Variants in RPH3AL observed in about 807,000 individuals in gnomAD.
RPH3AL encodes the protein rabphilin 3A like (without C2 domains).
A neutral mutation model predicts 43.1 loss-of-function variants in RPH3AL; 38 were observed. That is an observed-to-expected ratio of 0.88 (90% CI 0.68 to 1.15). RPH3AL has a LOEUF of 1.15. RPH3AL is among the 50% of genes most tolerant of loss of function. RPH3AL has a pLI of 0.00. For synonymous variants in RPH3AL, 189 were observed against 176.3 expected, an observed-to-expected ratio of 1.07 and a Z score of -0.57; for missense variants, 462 against 423.2, an observed-to-expected ratio of 1.09 and a Z score of -0.81.
At chr17:219,966 C>G (rs1407506183) in intron 7 of RPH3AL, among the ~76,000 whole-genome samples, 1 of 152,192 alleles carries the variant, frequency 6.6e-6, no homozygotes, top group Non-Finnish European at 1.5e-5. Flanking sequence ...TGGGCTCAGG[C>G]TGACCAGCAG....
At chr17:297,443 CG>C (rs1567624071) in intron 5 of RPH3AL, among the ~76,000 whole-genome samples, 2 of 152,132 alleles carry the variant, frequency 1.3e-5, no homozygotes, top group Non-Finnish European at 2.9e-5. Flanking sequence ...GCATCTGAGG[CG>C]GGGGACAGTC....
rs149116246 is a variant in RPH3AL at position 318,343 on chromosome 17, T to C, written c.351+1077A>G. Among the ~76,000 whole-genome samples, 601 of 152,094 alleles carry C rather than the reference T, an allele frequency of 4.0e-3. 8 individuals carry two copies. Among genetic ancestry groups the C allele is most frequent in the African/African-American group, 0.014 (583 of 41,492 alleles). ...TTGCAGTGAGCCAAGACTGCACCAT[T>C]TGCACTCCAGCCTGGGTGACAGAGC... On this transcript the variant is annotated intron_variant, in intron 5 of 9. Coordinates refer to ENST00000331302, the MANE Select transcript of RPH3AL (RefSeq NM_006987.4).
In RPH3AL at chr17:247,272, G is replaced by C. The variant is rs144718442; in HGVS notation, c.452C>G (p.Ser151Trp). 3.1e-6 allele frequency: 5 copies of C among 1,589,004 alleles called. No individual in the cohort carries two copies. Among genetic ancestry groups the C allele is most frequent in the Non-Finnish European group, 3.4e-6 (4 of 1,166,544 alleles). ...CSEQREVWKR[S>W]GAWFYKGLPK... Reference sequence around the variant, plus strand: ...GAGCCCTTTGTAGAACCAGGCCCCCGACCTCTTCCAGACCTGAGTGGGGGA... The same window carrying C: ...GAGCCCTTTGTAGAACCAGGCCCCCCACCTCTTCCAGACCTGAGTGGGGGA... The change falls in exon 7 of 10, where the codon TCG (serine) becomes TGG (tryptophan). Residue 151 changes from serine to tryptophan, a missense_variant. Ser to Trp is a radical substitution (Grantham distance 177). Transcript: ENST00000331302.
intron 5 of RPH3AL, among the ~76,000 whole-genome samples, chr17:292,116 C>T (rs920019542): frequency 6.6e-6 from 1 of 152,180 alleles, no homozygotes. Flanking sequence ...GCCACAGTGG[C>T]TGACTGTGGC....
intron 8 of RPH3AL, among the ~76,000 whole-genome samples, chr17:218,269 T>G (rs111658954): frequency 4.1e-4 from 43 of 103,676 alleles, no homozygotes; most frequent in African/African-American, 1.3e-3. Flanking sequence ...TATGGAGCCC[T>G]TTCTTCTTCT....
In RPH3AL at chr17:274,314, C is replaced by T. The variant is rs1473397559; in HGVS notation, c.438+7454G>A. Reference sequence around the variant, plus strand: ...GGGAGACGGGAGGCGTGCCATGGACCACCTGGGCCTCGCCTGCCCACCTGG... The same window carrying T: ...GGGAGACGGGAGGCGTGCCATGGACTACCTGGGCCTCGCCTGCCCACCTGG... On this transcript the variant is annotated intron_variant, in intron 6 of 9. Coordinates refer to ENST00000331302, the MANE Select transcript of RPH3AL (RefSeq NM_006987.4). This position sits in a 1 kb window ranked among gnomAD's most constrained non-coding sequence, Gnocchi z 4.7. Among the ~76,000 whole-genome samples, 1 of 152,190 alleles carries T rather than the reference C, an allele frequency of 6.6e-6. No homozygotes were observed. Among genetic ancestry groups the T allele is most frequent in the African/African-American group, 2.4e-5 (1 of 41,444 alleles).
At position 225,118 on chromosome 17, in the gene RPH3AL, A is replaced by G. The variant is rs916344375; in HGVS notation, c.614-5382T>C. On this transcript the variant is annotated intron_variant, in intron 7 of 9. Transcript: ENST00000331302. This position sits in a 1 kb window ranked among gnomAD's most constrained non-coding sequence, Gnocchi z 4.4. ...CCCTAGAACTTAAAATATAATGGAA[A>G]AAAAAAAAAAAAGAGTGATGAGCAT... Among the ~76,000 whole-genome samples, 7 of 91,110 alleles carry G rather than the reference A, an allele frequency of 7.7e-5. No homozygotes were observed. The highest frequency in any genetic ancestry group is 2.0e-4 in the Admixed American group (2 of 10,010). 59.8% of individuals were successfully genotyped at this position (91,110 alleles called of 152,430 possible).
intron 7 of RPH3AL, among the ~76,000 whole-genome samples, chr17:223,056 G>T (rs2041028119): frequency 6.6e-6 from 1 of 152,096 alleles, no homozygotes; most frequent in South Asian, 2.1e-4. Flanking sequence ...TTGGCGTTGT[G>T]ATGGGCACGT....
At chr17:344,472 C>T (rs1490046857) in intron 1 of RPH3AL, among the ~76,000 whole-genome samples, 1 of 122,656 alleles carries the variant, frequency 8.2e-6, no homozygotes, top group African/African-American at 3.2e-5. Flanking sequence ...GACCATCACC[C>T]ACATCATCAT....
chr17:307,380 C>T (rs1241906790), intron 5 of RPH3AL, among the ~76,000 whole-genome samples: 1 of 148,066 alleles, frequency 6.8e-6, no homozygotes, highest in African/African-American at 2.5e-5. Context: ...GTCCATCCCA[C>T]GGCAGGTCCA....
chr17:281,350 GATGAA>G (rs2042773571), intron 6 of RPH3AL, among the ~76,000 whole-genome samples: 1 of 152,092 alleles, frequency 6.6e-6, no homozygotes, highest in South Asian at 2.1e-4. Context: ...GTTGTGCAGG[GATGAA>G]ATGAATTCAT....
chr17:255,383 C>T (rs1188627601), intron 6 of RPH3AL, among the ~76,000 whole-genome samples: 5 of 1,556 alleles, frequency 3.2e-3, no homozygotes, highest in African/African-American at 0.018. Context: ...ATGAGGGGAG[C>T]CGCACGGCGT....
chr17:321,582 T>TAGCCCAGGTGGCAACAGAGAC (rs1385575411), intron 3 of RPH3AL, 167 bp from the exon 4 acceptor site: 6 of 552,136 alleles, frequency 1.1e-5, no homozygotes, highest in African/African-American at 7.9e-5. Context: ...GCAACAGAGA[T>TAGCCCAGGTGGCAACAGAGAC]GGCCCAGGTG....
rs111760720 is a variant in RPH3AL at position 315,041 on chromosome 17, T to TGCTCC, written c.351+4378_351+4379insGGAGC. Among the ~76,000 whole-genome samples the TGCTCC allele has an allele frequency of 4.9e-5, 5 of 101,846 alleles. 1 individual carries two copies. Among genetic ancestry groups the TGCTCC allele is most frequent in the African/African-American group, 1.3e-4 (4 of 31,644 alleles). The allele number at this position is 101,846 out of a possible 152,430, so 66.8% of individuals were successfully genotyped here. On this transcript the variant is annotated intron_variant, in intron 5 of 9. Coordinates refer to ENST00000331302, the MANE Select transcript of RPH3AL (RefSeq NM_006987.4). The stretch of plus-strand genomic sequence containing the variant: ...CACCTCCATTGACCTGTAGTCCCTG[T>TGCTCC]ACTCCACCTCCACTGAACTGTAGTC...
chr17:235,519 C>T (rs2041354223), intron 7 of RPH3AL, among the ~76,000 whole-genome samples: 2 of 142,828 alleles, frequency 1.4e-5, no homozygotes, highest in Non-Finnish European at 1.5e-5. Context: ...AAGCTGGGGT[C>T]GGCGGAGGCT....
At chr17:305,677 G>A (rs572300196) in intron 5 of RPH3AL, among the ~76,000 whole-genome samples, 20 of 152,088 alleles carry the variant, frequency 1.3e-4, no homozygotes, top group African/African-American at 3.9e-4. Context: ...ACAGCTTCCC[G>A]GCCACTCTCC....
chr17:241,306 G>C (rs1191923305), intron 7 of RPH3AL, among the ~76,000 whole-genome samples: 2 of 152,042 alleles, frequency 1.3e-5, no homozygotes, highest in Admixed American at 1.3e-4. Flanking sequence ...TGAGGTAGGA[G>C]GATCACGTGA....
intron 6 of RPH3AL, among the ~76,000 whole-genome samples, chr17:267,291 C>T (rs2042346693): frequency 6.6e-6 from 1 of 152,236 alleles, no homozygotes; most frequent in Non-Finnish European, 1.5e-5. Context: ...AGCCCCAGTA[C>T]TGAGGCTGCT....
intron 7 of RPH3AL, among the ~76,000 whole-genome samples, chr17:234,991 A>G (rs8073847): frequency 0.81 from 123,141 of 152,210 alleles, 50,314 homozygotes; most frequent in African/African-American, 0.92. Flanking sequence ...ATAGCATGCC[A>G]CGTGAAGAAG....
Sources: allele counts gnomAD v4.1 joint callset (sites outside exome capture counted in the v4.1 genomes callset), GRCh38; gene constraint gnomAD v4.1.1; non-coding constraint Gnocchi (gnomAD v3.1); transcripts MANE v1.5; gene names NCBI Gene and HGNC (gene_info 2026-07-23, HGNC 2026-07-21).